IK: variants seen among roughly 807,000 people sequenced by gnomAD.
The protein encoded by IK is protein Red.
IK carries 47 observed loss-of-function variants against 90.9 expected under a neutral mutation model. The ratio of observed to expected loss-of-function variants is 0.52; its 90% CI spans 0.41 to 0.66. IK has a LOEUF of 0.66. Ranked by LOEUF, IK falls within the 30% of genes least tolerant of loss-of-function variation. The pLI, the probability that IK is intolerant of heterozygous loss-of-function variation, is 0.00. For synonymous variants in IK, 201 were observed against 227.5 expected (o/e 0.88, Z 1.05); for missense variants, 385 against 709.3 (o/e 0.54, Z 5.19).
Position 140,661,826 on chromosome 5 carries a change from C to G in IK, c.1503-73C>G. The G allele has an allele frequency of 6.9e-7, 1 of 1,456,736 alleles. No homozygotes were observed. 90.2% of individuals were successfully genotyped at this position (1,456,736 alleles called of 1,614,324 possible). Reference sequence around the variant, plus strand: ...AGATGTTCCCCACTAAGTTCTTTGCCCACAGGACTCTGGGAAAACCTCGCC... The same window carrying G: ...AGATGTTCCCCACTAAGTTCTTTGCGCACAGGACTCTGGGAAAACCTCGCC... On this transcript the variant is annotated intron_variant, in intron 17 of 19. Transcript: ENST00000417647. This position sits in a 1 kb window ranked among gnomAD's most constrained non-coding sequence, Gnocchi z 4.2.
At chr5:140,648,260 G>T in intron 1 of IK, 1 of 706,674 alleles carries the variant, frequency 1.4e-6, no homozygotes, top group Admixed American at 2.0e-5. Flanking sequence ...TCTTCCGGAA[G>T]TCTTCTCTGA....
In IK at chr5:140,648,498, CCGATGGCCA is replaced by C; in HGVS notation, c.50_58del (p.Gly17_Asp19del). 6.2e-7 allele frequency: 1 copy of C among 1,614,034 alleles called. No homozygotes were observed. Among genetic ancestry groups the C allele is most frequent in the Non-Finnish European group, 8.5e-7 (1 of 1,179,886 alleles). ...GAGCCGTTCTCCAACCCTTTGGCCC[CCGATGGCCA>C]CGATGTGGATGATCCTCACTCCTTC... is the stretch of plus-strand genomic sequence containing the variant. On this transcript the variant is annotated inframe_deletion, in exon 2 of 20. Coordinates refer to ENST00000417647, the MANE Select transcript of IK (RefSeq NM_006083.4).
intron 8 of IK, among the ~76,000 whole-genome samples, chr5:140,655,372 A>T (rs1000877115): frequency 1.3e-5 from 2 of 152,258 alleles, no homozygotes; most frequent in African/African-American, 2.4e-5. Flanking sequence ...GTTACTATTT[A>T]CCACATGACT....
In IK at chr5:140,657,010, A is replaced by G. The variant is rs549158469; in HGVS notation, c.802-544A>G. Reference sequence around the variant, plus strand: ...AGGATCACTTGAGGTTAGGAGTTCAATACCAGGTGGGCCAACATTGTAAAA... The same window carrying G: ...AGGATCACTTGAGGTTAGGAGTTCAGTACCAGGTGGGCCAACATTGTAAAA... On this transcript the variant is annotated intron_variant, in intron 9 of 19. Transcript: ENST00000417647. Among the ~76,000 whole-genome samples, 17 of 152,246 alleles carry G rather than the reference A, an allele frequency of 1.1e-4. No individual in the cohort carries two copies. The East Asian group carries it at 1.9e-3, about 17-fold the overall frequency.
intron 16 of IK, 25 bp downstream of exon 16, chr5:140,660,840 C>T (rs183264132): frequency 3.4e-4 from 532 of 1,581,788 alleles, no homozygotes; most frequent in Non-Finnish European, 2.9e-4. Flanking sequence ...GGATGGTGGG[C>T]GCCTTTGGGC....
At chr5:140,656,626 T>A (rs7725877) in intron 9 of IK, among the ~76,000 whole-genome samples, 3,694 of 152,300 alleles carry the variant, frequency 0.024, 129 homozygotes, top group African/African-American at 0.079. Flanking sequence ...AGAATTTTTT[T>A]AAAAATTTTT....
chr5:140,661,883 C>T lies in IK; in HGVS notation c.1503-16C>T. On this transcript the variant is annotated splice_polypyrimidine_tract_variant and intron_variant, in intron 17 of 19. Coordinates refer to ENST00000417647, the MANE Select transcript of IK (RefSeq NM_006083.4). This position sits in a 1 kb window ranked among gnomAD's most constrained non-coding sequence, Gnocchi z 4.2. ...ATGCAATCTCTGATGCATTCTTTCC[C>T]AACTGCTTTTTTCAGGGCTGCATTC... The T allele has an allele frequency of 6.3e-7, 1 of 1,593,548 alleles. No individual in the cohort carries two copies. The highest frequency in any genetic ancestry group is 8.6e-7 in the Non-Finnish European group (1 of 1,168,740).
At chr5:140,662,028 G>C (rs779180766) in intron 18 of IK, 21 bp downstream of exon 18, 1 of 1,583,678 alleles carries the variant, frequency 6.3e-7, no homozygotes, top group Non-Finnish European at 8.6e-7. Flanking sequence ...TGGCCCCTTG[G>C]GTGGGAGGGT....
In IK at chr5:140,659,125, G is replaced by C; in HGVS notation, c.1137G>C (p.Lys379Asn). ...ACCGAGAGAGAGAAGAGGAAAAGAA[G>C]AGACACAGCTACTTTGAGAAGCCAA... Reference protein sequence around the residue: ...ERDREREEEKKRHSYFEKPKV... With the variant: ...ERDREREEEKNRHSYFEKPKV... Residue 379 changes from lysine (K) to asparagine (N), a missense_variant, in exon 12 of 20, where the codon AAG becomes AAC. This residue lies in a region of IK where 139 missense variants were observed against 172.0 expected (regional missense o/e 0.81). Coordinates refer to ENST00000417647, the MANE Select transcript of IK (RefSeq NM_006083.4). 2 of 1,600,628 alleles carry C rather than the reference G, an allele frequency of 1.2e-6. No individual in the cohort carries two copies. Among genetic ancestry groups the C allele is most frequent in the Non-Finnish European group, 8.5e-7 (1 of 1,173,466 alleles).
intron 13 of IK, 116 bp from the exon 14 acceptor site, chr5:140,659,640 A>G: frequency 1.4e-6 from 1 of 728,566 alleles, no homozygotes; most frequent in Non-Finnish European, 2.4e-6. Flanking sequence ...GAGTTTGTTT[A>G]AAACTTTGTT....
chr5:140,660,305 T>G, intron 15 of IK, 110 bp downstream of exon 15: 1 of 663,846 alleles, frequency 1.5e-6, no homozygotes. Flanking sequence ...TTTTTTTTTT[T>G]TTTTTTTTTG....
At position 140,661,212 on chromosome 5, in the gene IK, G is replaced by T. The variant is rs921831743; in HGVS notation, c.1413+397G>T. 1 of 245,382 alleles carries T rather than the reference G, an allele frequency of 4.1e-6. No homozygotes were observed. The highest frequency in any genetic ancestry group is 7.7e-6 in the Non-Finnish European group (1 of 129,258). The allele number at this position is 245,382 out of a possible 1,614,324, so 15.2% of individuals were successfully genotyped here. A position where few individuals can be genotyped will look rare whatever the true frequency, so the allele number is the denominator to read the frequency against. ...AATTAAAAAGAAAAAAACCACTAAT[G>T]CCACTAATAGTGAAGAAGTCTGTGT... On this transcript the variant is annotated intron_variant, in intron 16 of 19. Transcript: ENST00000417647. This position sits in a 1 kb window ranked among gnomAD's most constrained non-coding sequence, Gnocchi z 4.2.
chr5:140,648,022 GTGTGTGTGTGTGTGTGTGTGTGTATGTA>G (rs1291299425), intron 1 of IK, 98 bp downstream of exon 1: 16 of 959,678 alleles, frequency 1.7e-5, no homozygotes, highest in Non-Finnish European at 2.3e-5. Context: ...GTGTGTGTGT[GTGTGTGTGTGTGTGTGTGTGTGTATGTA>G]TGTATGTGTG....
chr5:140,657,515 G>T (rs2149807413), intron 9 of IK, 39 bp from the exon 10 acceptor site: 1 of 1,340,354 alleles, frequency 7.5e-7, no homozygotes, highest in East Asian at 2.3e-5. Context: ...AGAGATTTCT[G>T]CTGAGTGGTT....
chr5:140,654,566 A>G lies in IK; in HGVS notation c.570A>G (p.Glu190=). 6.3e-7 allele frequency: 1 copy of G among 1,588,182 alleles called. No individual in the cohort carries two copies. Among genetic ancestry groups the G allele is most frequent in the Non-Finnish European group, 8.6e-7 (1 of 1,166,454 alleles). Residue 190 remains glutamate, a synonymous_variant, in exon 7 of 20, where the codon GAA becomes GAG. Coordinates refer to ENST00000417647, the MANE Select transcript of IK (RefSeq NM_006083.4). The stretch of plus-strand genomic sequence containing the variant: ...AGAAAGAGGAAGAGGAACTGATGGA[A>G]AAGCCCCAGAAAGAAACCAAGTAAG... ...SKEKEEEELM[E]KPQKETKKDE... is the part of the protein sequence containing the mutation.
rs147278729 is a variant in IK at position 140,662,370 on chromosome 5, C to T, written c.*41C>T. ...AGAGATGCTCCACAAGGATATGCTC[C>T]CCACTGTTTTCTTTCTACAATTTCC... On this transcript the variant is annotated 3_prime_UTR_variant, in exon 20 of 20. Transcript: ENST00000417647. 843 of 1,604,048 alleles carry T rather than the reference C, an allele frequency of 5.3e-4. 7 individuals carry two copies. In the African/African-American group the frequency reaches 9.8e-3, roughly 19 times the overall value.
chr5:140,661,397 CT>C lies in IK; in HGVS notation c.1414-221del. Reference sequence around the variant, plus strand: ...AAAATGGAGAGAAATATAGTTCCCTCTTCATAGATTTTATGAGAATTAAGTG... The same window carrying C: ...AAAATGGAGAGAAATATAGTTCCCTCTCATAGATTTTATGAGAATTAAGTG... On this transcript the variant is annotated intron_variant, in intron 16 of 19. Coordinates refer to ENST00000417647, the MANE Select transcript of IK (RefSeq NM_006083.4). The surrounding 1 kb of genome is among the most constrained non-coding windows in gnomAD (Gnocchi z 4.2). 1 of 507,892 alleles carries C rather than the reference CT, an allele frequency of 2.0e-6. No individual in the cohort carries two copies. Among genetic ancestry groups the C allele is most frequent in the South Asian group, 2.5e-5 (1 of 40,460 alleles). 31.5% of individuals were successfully genotyped at this position (507,892 alleles called of 1,614,324 possible).
Position 140,660,102 on chromosome 5 carries a change from T to C in IK, c.1275-13T>C, listed in dbSNP as rs773662090. The C allele has an allele frequency of 1.2e-6, 2 of 1,610,222 alleles. No homozygotes were observed. Among genetic ancestry groups the C allele is most frequent in the South Asian group, 1.1e-5 (1 of 90,910 alleles). ...GTAGAATCCTGTGTAGTGTTTTCTT[T>C]AACATAGCATATGCTGAAGAAGCCA... On this transcript the variant is annotated splice_polypyrimidine_tract_variant and intron_variant, in intron 14 of 19. Coordinates refer to ENST00000417647, the MANE Select transcript of IK (RefSeq NM_006083.4).
chr5:140,653,185 G>T, intron 5 of IK, 41 bp downstream of exon 5: 1 of 1,559,792 alleles, frequency 6.4e-7, no homozygotes, highest in African/African-American at 1.4e-5. Context: ...CTCAGCATCC[G>T]AGAGTCATGC....
Sources: gnomAD v4.1 joint callset for allele counts (sites outside exome capture counted in the v4.1 genomes callset) on GRCh38, gnomAD v4.1.1 for gene constraint, gnomAD v4.1.1 regional missense constraint, Gnocchi (gnomAD v3.1) non-coding constraint, MANE v1.5 for transcripts, NCBI Gene and HGNC (gene_info 2026-07-23, HGNC 2026-07-21) for gene names.